The following PCBP3 variants were observed in gnomAD, a reference collection of about 807,000 sequenced individuals.
PCBP3 encodes poly(rC) binding protein 3, also known as poly(rC)-binding protein 3.
In PCBP3, 25 loss-of-function variants were observed where a neutral mutation model predicts 52.7. The ratio of observed to expected loss-of-function variants is 0.47; its 90% confidence interval spans 0.35 to 0.66. PCBP3 has a LOEUF of 0.66. Ranked by LOEUF, PCBP3 falls within the 30% of genes least tolerant of loss-of-function variation. The pLI, the probability that PCBP3 is intolerant of heterozygous loss-of-function variation, is 0.01. For synonymous variants in PCBP3, 162 were observed against 183.0 expected, an observed-to-expected ratio of 0.89 and a Z score of 0.93; for missense variants, 391 against 490.3, an observed-to-expected ratio of 0.80 and a Z score of 1.91.
intron 2 of PCBP3, among the ~76,000 whole-genome samples, chr21:45,715,916 T>C (rs2084187334): frequency 6.6e-6 from 1 of 152,196 alleles, no homozygotes; most frequent in Non-Finnish European, 1.5e-5. Context: ...CCCCTTGTTC[T>C]GTGGGTTGAC....
chr21:45,698,112 G>A (rs151000435), intron 2 of PCBP3, among the ~76,000 whole-genome samples: 23 of 152,264 alleles, frequency 1.5e-4, no homozygotes, highest in South Asian at 6.2e-4. Flanking sequence ...TAGAAAACAG[G>A]AGTCTAGGGA....
chr21:45,727,928 A>G (rs1386196237), intron 2 of PCBP3, among the ~76,000 whole-genome samples: 1 of 152,228 alleles, frequency 6.6e-6, no homozygotes, highest in Non-Finnish European at 1.5e-5. Flanking sequence ...CCATGGGTCA[A>G]TTTATTTATC....
At chr21:45,667,727 T>A (rs890323549) in intron 1 of PCBP3, among the ~76,000 whole-genome samples, 1 of 152,222 alleles carries the variant, frequency 6.6e-6, no homozygotes, top group African/African-American at 2.4e-5. Context: ...TCCTGTTTCT[T>A]TGTATGTGTC....
intron 5 of PCBP3, among the ~76,000 whole-genome samples, chr21:45,866,857 C>G (rs1375109078): frequency 1.3e-5 from 2 of 152,084 alleles, no homozygotes; most frequent in African/African-American, 2.4e-5. Context: ...CACGGAGATG[C>G]GTGTACTAGG....
chr21:45,731,417 A>G (rs541709806), intron 2 of PCBP3, among the ~76,000 whole-genome samples: 4 of 152,320 alleles, frequency 2.6e-5, no homozygotes, highest in African/African-American at 9.6e-5. Context: ...TCATGCTTCT[A>G]CATACATCAC....
intron 2 of PCBP3, among the ~76,000 whole-genome samples, chr21:45,687,484 G>C: frequency 6.6e-6 from 1 of 151,870 alleles, no homozygotes; most frequent in East Asian, 1.9e-4. Context: ...ATAAACAAGA[G>C]GAACAAAGAA....
chr21:45,743,049 A>G (rs966767010), intron 3 of PCBP3, among the ~76,000 whole-genome samples: 1 of 152,210 alleles, frequency 6.6e-6, no homozygotes, highest in Non-Finnish European at 1.5e-5. Context: ...CTATATAGAA[A>G]GGGAATCTGT....
Position 45,925,216 on chromosome 21 carries a change from C to T in PCBP3, c.718-4701C>T, listed in dbSNP as rs146557945. ...AAGGTCGGGTGTGCGTGAGGAGATGCGAACACCCGCAGGTCTCTGTCTCAT... is the reference window on the plus strand; with the variant it reads ...AAGGTCGGGTGTGCGTGAGGAGATGTGAACACCCGCAGGTCTCTGTCTCAT... On this transcript the variant is annotated intron_variant, in intron 13 of 17. Coordinates refer to ENST00000681687, the MANE Select transcript of PCBP3 (RefSeq NM_001384156.1). Among the ~76,000 whole-genome samples the T allele has an allele frequency of 3.9e-3, 595 of 151,822 alleles. 7 individuals carry two copies. Among genetic ancestry groups the T allele is most frequent in the African/African-American group, 0.014 (570 of 41,152 alleles).
intron 2 of PCBP3, among the ~76,000 whole-genome samples, chr21:45,676,973 A>G (rs1218490656): frequency 1.3e-5 from 2 of 151,930 alleles, no homozygotes; most frequent in East Asian, 1.9e-4. Context: ...GGGTTTCGCT[A>G]TGTTGGCCAA....
In PCBP3 at chr21:45,800,379, C is replaced by G. The variant is rs1487883297; in HGVS notation, c.-126+44927C>G. Among the ~76,000 whole-genome samples the G allele has an allele frequency of 6.6e-6, 1 of 152,208 alleles. No homozygotes were observed. Among genetic ancestry groups the G allele is most frequent in the Non-Finnish European group, 1.5e-5 (1 of 68,030 alleles). ...TTCTGTGAAGTGCAGATGATGTCGC[C>G]TTTGTAGACAAAGGAAGAGACCTTG... On this transcript the variant is annotated intron_variant, in intron 4 of 17. Transcript: ENST00000681687. This position sits in a 1 kb window ranked among gnomAD's most constrained non-coding sequence, Gnocchi z 5.3.
At chr21:45,843,815 T>G (rs938184974) in intron 4 of PCBP3, among the ~76,000 whole-genome samples, 1 of 152,202 alleles carries the variant, frequency 6.6e-6, no homozygotes, top group Non-Finnish European at 1.5e-5. Context: ...TCTGAGAGCC[T>G]TAGGAGAATG....
At chr21:45,659,895 G>C (rs2080272645) in intron 1 of PCBP3, among the ~76,000 whole-genome samples, 1 of 152,052 alleles carries the variant, frequency 6.6e-6, no homozygotes, top group Admixed American at 6.6e-5. Flanking sequence ...TGTTCCATGT[G>C]TATTTGAGAA....
chr21:45,909,335 C>A lies in PCBP3; in HGVS notation c.340-20C>A. 8 of 1,608,378 alleles carry A rather than the reference C, an allele frequency of 5.0e-6. No homozygotes were observed. Among genetic ancestry groups the A allele is most frequent in the Non-Finnish European group, 6.8e-6 (8 of 1,177,528 alleles). On this transcript the variant is annotated intron_variant, in intron 9 of 17. Coordinates refer to ENST00000681687, the MANE Select transcript of PCBP3 (RefSeq NM_001384156.1). ...TGCACGACGCCTGAAGTGCTGCCAA[C>A]ACACGTGTCTCTCCCCTAGGATATC...
chr21:45,777,040 A>G (rs1392747381), intron 4 of PCBP3, among the ~76,000 whole-genome samples: 1 of 152,148 alleles, frequency 6.6e-6, no homozygotes, highest in African/African-American at 2.4e-5. Flanking sequence ...TCATGTTGGT[A>G]AATGTCATCT....
At chr21:45,874,984 G>C (rs2095196157) in intron 5 of PCBP3, among the ~76,000 whole-genome samples, 1 of 152,156 alleles carries the variant, frequency 6.6e-6, no homozygotes, top group Non-Finnish European at 1.5e-5. Flanking sequence ...AGGAGTGCCT[G>C]GGCCAGCCCC....
At chr21:45,782,234 T>C (rs929442050) in intron 4 of PCBP3, among the ~76,000 whole-genome samples, 1 of 152,242 alleles carries the variant, frequency 6.6e-6, no homozygotes, top group African/African-American at 2.4e-5. Context: ...AGATGATTTG[T>C]ATAATTGCAT....
In PCBP3 at chr21:45,837,905, A is replaced by T. The variant is rs1369458685; in HGVS notation, c.-125-12056A>T. On this transcript the variant is annotated intron_variant, in intron 4 of 17. Transcript: ENST00000681687. This position sits in a 1 kb window ranked among gnomAD's most constrained non-coding sequence, Gnocchi z 4.1. ...TTGATGGTCATTGCCTGGATGCAGT[A>T]CACATTAGGGGCTGCAGAACGGTGA... Among the ~76,000 whole-genome samples, 1 of 152,208 alleles carries T rather than the reference A, an allele frequency of 6.6e-6. No homozygotes were observed. The highest frequency in any genetic ancestry group is 1.5e-5 in the Non-Finnish European group (1 of 68,030).
chr21:45,933,165 G>T (rs1034168347), intron 15 of PCBP3, among the ~76,000 whole-genome samples: 1 of 146,264 alleles, frequency 6.8e-6, no homozygotes, highest in African/African-American at 2.6e-5. Context: ...ATGAACACCT[G>T]GGCCATGCTG....
intron 4 of PCBP3, among the ~76,000 whole-genome samples, chr21:45,815,172 G>A (rs143596971): frequency 0.012 from 275 of 22,536 alleles, no homozygotes; most frequent in East Asian, 0.045. Flanking sequence ...GTAGTGAGTG[G>A]TGAGTGGTGA....
Sources: allele counts gnomAD v4.1 joint callset (sites outside exome capture counted in the v4.1 genomes callset), GRCh38; gene constraint gnomAD v4.1.1; non-coding constraint Gnocchi (gnomAD v3.1); transcripts MANE v1.5; gene names NCBI Gene and HGNC (gene_info 2026-07-23, HGNC 2026-07-21).